The following FNDC1 variants were observed in gnomAD, a reference collection of about 807,000 sequenced individuals.
FNDC1 encodes fibronectin type III domain containing 1.
Under a neutral mutation model 168.0 loss-of-function variants are expected in FNDC1, and 96 were observed. The ratio of observed to expected loss-of-function variants is 0.57; its 90% CI spans 0.48 to 0.68. The LOEUF (loss-of-function observed/expected upper bound fraction) is 0.68. Among genes scored for constraint, FNDC1 ranks in the 30% least tolerant of loss-of-function variants. FNDC1 has a pLI of 0.00. For synonymous variants in FNDC1, 1,099 were observed against 1,025.9 expected, an observed-to-expected ratio of 1.07 and a Z score of -1.36; for missense variants, 2,587 against 2,482.1, an observed-to-expected ratio of 1.04 and a Z score of -0.90.
chr6:159,192,517 C>T (rs530352446), intron 1 of FNDC1, among the ~76,000 whole-genome samples: 9 of 152,264 alleles, frequency 5.9e-5, no homozygotes, highest in African/African-American at 1.9e-4. Context: ...TTTTCGTCCA[C>T]CATGGATATG....
chr6:159,256,817 A>G (rs1460708376), intron 18 of FNDC1, among the ~76,000 whole-genome samples, 186 bp downstream of exon 18: 2 of 152,226 alleles, frequency 1.3e-5, no homozygotes, highest in Non-Finnish European at 2.9e-5. Flanking sequence ...AGATGACTGT[A>G]TGTATTGTCA....
chr6:159,260,292 T>C (rs1777456743), intron 18 of FNDC1, among the ~76,000 whole-genome samples: 3 of 152,206 alleles, frequency 2.0e-5, no homozygotes, highest in African/African-American at 7.2e-5. Context: ...AACACAAATG[T>C]GGTGTTGGTC....
chr6:159,238,422 C>A, intron 12 of FNDC1, 132 bp from the exon 13 acceptor site: 1 of 614,344 alleles, frequency 1.6e-6, no homozygotes, highest in Non-Finnish European at 2.8e-6. Context: ...ATGATATTGA[C>A]AAAAAGAATG....
intron 9 of FNDC1, among the ~76,000 whole-genome samples, chr6:159,226,916 G>A (rs761657264): frequency 3.9e-5 from 6 of 152,158 alleles, no homozygotes; most frequent in African/African-American, 1.2e-4. Flanking sequence ...GGAAGATCAC[G>A]AAAGCAGGTG....
chr6:159,266,628 G>A (rs890185519), intron 21 of FNDC1, among the ~76,000 whole-genome samples: 1 of 149,122 alleles, frequency 6.7e-6, no homozygotes, highest in Non-Finnish European at 1.5e-5. Flanking sequence ...TATGTCTTAG[G>A]AATGACATAG....
At position 159,233,595 on chromosome 6, in the gene FNDC1, C is replaced by A. The variant is rs902685142; in HGVS notation, c.3083C>A (p.Pro1028His). Residue 1028 changes from proline (P) to histidine (H), a missense_variant, in exon 11 of 23, where the codon CCT becomes CAT. Transcript: ENST00000297267. This position sits in a 1 kb window ranked among gnomAD's most constrained non-coding sequence, Gnocchi z 4.6. ...CAGAGCAGAGACGCGGGTCGGTCAC[C>A]TTCCCAGCCCAGGCTCTCACTGACC... The part of the protein sequence containing the change: ...GPQSRDAGRS[P>H]SQPRLSLTQA... The A allele has an allele frequency of 6.3e-7, 1 of 1,579,848 alleles. No individual in the cohort carries two copies. The highest frequency in any genetic ancestry group is 1.3e-5 in the African/African-American group (1 of 74,320).
rs1484105139 is a variant in FNDC1, at chr6:159,233,760, G to A, written c.3248G>A (p.Ser1083Asn). The change falls in exon 11 of 23, where the codon AGC becomes AAC. Residue 1083 changes from serine to asparagine, a missense_variant. By Grantham distance (46) the Ser-to-Asn change is conservative. Coordinates refer to ENST00000297267, the MANE Select transcript of FNDC1 (RefSeq NM_032532.3). The surrounding 1 kb of genome is among the most constrained non-coding windows in gnomAD (Gnocchi z 4.6). ...GCCCAGGGCAGCTACGACGACGACAGCACAGAAGTCGAGGCCCAGGATGTG... is the reference window on the plus strand; with the variant it reads ...GCCCAGGGCAGCTACGACGACGACAACACAGAAGTCGAGGCCCAGGATGTG... Reference protein sequence around the residue: ...EDAQGSYDDDSTEVEAQDVRA... With the variant: ...EDAQGSYDDDNTEVEAQDVRA... The A allele has an allele frequency of 1.3e-6, 2 of 1,546,520 alleles. No homozygotes were observed. Among genetic ancestry groups the A allele is most frequent in the Admixed American group, 2.0e-5 (1 of 50,416 alleles).
At position 159,233,926 on chromosome 6, in the gene FNDC1, C is replaced by T. The variant is rs1783177059; in HGVS notation, c.3414C>T (p.Pro1138=). Residue 1138 remains proline (P), a synonymous_variant, in exon 11 of 23, where the codon CCC becomes CCT. Coordinates refer to ENST00000297267, the MANE Select transcript of FNDC1 (RefSeq NM_032532.3). The surrounding 1 kb of genome is among the most constrained non-coding windows in gnomAD (Gnocchi z 4.6). ...QRGHAASPAR[P]SRPGGPQSRA... is the part of the protein sequence containing the mutation. ...GACATGCGGCCTCCCCCGCCAGGCC[C>T]AGCCGACCCGGCGGCCCCCAGTCCC... The T allele has an allele frequency of 6.4e-7, 1 of 1,551,670 alleles. No individual in the cohort carries two copies. The highest frequency in any genetic ancestry group is 8.7e-7 in the Non-Finnish European group (1 of 1,147,554).
Position 159,233,514 on chromosome 6 carries a change from C to T in FNDC1, c.3002C>T (p.Ala1001Val), listed in dbSNP as rs1478676482. The T allele has an allele frequency of 1.9e-6, 3 of 1,601,428 alleles. No individual in the cohort carries two copies. The highest frequency in any genetic ancestry group is 1.7e-6 in the Non-Finnish European group (2 of 1,176,964). ...SVPRRMTPGR[A>V]PQQQPPPPVA... is the part of the protein sequence containing the mutation. Reference sequence around the variant, plus strand: ...CCCAGAAGGATGACACCCGGCCGGGCCCCACAACAGCAGCCCCCTCCTCCC... The same window carrying T: ...CCCAGAAGGATGACACCCGGCCGGGTCCCACAACAGCAGCCCCCTCCTCCC... Residue 1001 changes from alanine to valine, a missense_variant, in exon 11 of 23, where the codon GCC (alanine) becomes GTC (valine). Transcript: ENST00000297267. This position sits in a 1 kb window ranked among gnomAD's most constrained non-coding sequence, Gnocchi z 4.6.
Position 159,188,541 on chromosome 6 carries a change from AT to A in FNDC1, c.110-8880del, listed in dbSNP as rs376851284. Among the ~76,000 whole-genome samples, 14 of 144,946 alleles carry A rather than the reference AT, an allele frequency of 9.7e-5. 1 individual carries two copies. The highest frequency in any genetic ancestry group is 3.6e-3 in the Middle Eastern group (1 of 278). The stretch of plus-strand genomic sequence containing the variant: ...AGGTGCCCGCCACCAGGCCCGGCTA[AT>A]TTTTTTTTTGAATTTTTAGTAGAGA... On this transcript the variant is annotated intron_variant, in intron 1 of 22. Coordinates refer to ENST00000297267, the MANE Select transcript of FNDC1 (RefSeq NM_032532.3).
chr6:159,217,266 CA>C (rs1782728233), intron 5 of FNDC1, among the ~76,000 whole-genome samples: 1 of 152,180 alleles, frequency 6.6e-6, no homozygotes, highest in Non-Finnish European at 1.5e-5. Flanking sequence ...GCTCAGGAGA[CA>C]GCCAAGGCTG....
intron 14 of FNDC1, among the ~76,000 whole-genome samples, chr6:159,245,677 A>G (rs1228875768): frequency 6.6e-6 from 1 of 151,958 alleles, no homozygotes; most frequent in African/African-American, 2.4e-5. Flanking sequence ...TGCTTAAATC[A>G]CTCACCTTTC....
intron 15 of FNDC1, among the ~76,000 whole-genome samples, chr6:159,247,510 A>T (rs1336885083): frequency 6.6e-6 from 1 of 152,166 alleles, no homozygotes; most frequent in Non-Finnish European, 1.5e-5. Context: ...ACACTTTGAG[A>T]GGTCAAGGAG....
chr6:159,185,271 G>A (rs977907062), intron 1 of FNDC1, among the ~76,000 whole-genome samples: 4 of 152,066 alleles, frequency 2.6e-5, no homozygotes, highest in African/African-American at 7.2e-5. Flanking sequence ...TGACAAATAA[G>A]CATTGAAATT....
chr6:159,198,860 C>T (rs1178792082), intron 2 of FNDC1, among the ~76,000 whole-genome samples: 1 of 152,140 alleles, frequency 6.6e-6, no homozygotes, highest in Non-Finnish European at 1.5e-5. Flanking sequence ...TTCTGTCTGA[C>T]CCCCGGGCAT....
At chr6:159,213,690 T>A (rs1216507805) in intron 4 of FNDC1, among the ~76,000 whole-genome samples, 1 of 135,272 alleles carries the variant, frequency 7.4e-6, no homozygotes, top group African/African-American at 3.2e-5. Context: ...ACTATACTTT[T>A]GGACTAAAAA....
rs769492669 is a variant in FNDC1 at position 159,233,527 on chromosome 6, G to A, written c.3015G>A (p.Gln1005=). 8 of 1,598,394 alleles carry A rather than the reference G, an allele frequency of 5.0e-6. No individual in the cohort carries two copies. Among genetic ancestry groups the A allele is most frequent in the Non-Finnish European group, 6.8e-6 (8 of 1,175,994 alleles). The change falls in exon 11 of 23, where the codon CAG becomes CAA. Residue 1005 remains glutamine (Q), a synonymous_variant. Coordinates refer to ENST00000297267, the MANE Select transcript of FNDC1 (RefSeq NM_032532.3). This position sits in a 1 kb window ranked among gnomAD's most constrained non-coding sequence, Gnocchi z 4.6. ...RMTPGRAPQQ[Q]PPPPVATSQH... ...CACCCGGCCGGGCCCCACAACAGCA[G>A]CCCCCTCCTCCCGTCGCCACGTCCC...
chr6:159,254,578 G>C (rs1464835565), intron 17 of FNDC1, among the ~76,000 whole-genome samples: 1 of 151,852 alleles, frequency 6.6e-6, no homozygotes, highest in African/African-American at 2.4e-5. Context: ...CGTGGTGGTG[G>C]GTGCCTGTAG....
At chr6:159,203,225 T>A (rs941173955) in intron 4 of FNDC1, among the ~76,000 whole-genome samples, 6 of 152,294 alleles carry the variant, frequency 3.9e-5, no homozygotes, top group African/African-American at 1.4e-4. Flanking sequence ...ACATATGAAT[T>A]TGGCAGAGGG....
Sources: gnomAD v4.1 joint callset for allele counts (sites outside exome capture counted in the v4.1 genomes callset) on GRCh38, gnomAD v4.1.1 for gene constraint, Gnocchi (gnomAD v3.1) non-coding constraint, MANE v1.5 for transcripts, NCBI Gene and HGNC (gene_info 2026-07-23, HGNC 2026-07-21) for gene names.